CCDC83: variants seen among roughly 807,000 people sequenced by gnomAD.
The protein encoded by CCDC83 is coiled-coil domain-containing protein 83.
In CCDC83, 54 loss-of-function variants were observed where a neutral mutation model predicts 50.1. That is an observed-to-expected ratio of 1.08 (90% CI 0.87 to 1.35). The LOEUF (loss-of-function observed/expected upper bound fraction) is 1.35. CCDC83 is among the 40% of genes most tolerant of loss of function. CCDC83 has a pLI of 0.00. For missense variants in CCDC83, 518 were observed against 473.9 expected (o/e 1.09, Z -0.86); for synonymous variants, 161 against 153.3 (o/e 1.05, Z -0.37).
chr11:85,865,409 G>A (rs1213299729), intron 2 of CCDC83, among the ~76,000 whole-genome samples, 191 bp downstream of exon 2: 5 of 152,232 alleles, frequency 3.3e-5, no homozygotes, highest in South Asian at 2.1e-4. Flanking sequence ...ATATAACATA[G>A]TCCAAGTAGT....
chr11:85,891,374 G>A (rs906341424), intron 5 of CCDC83, among the ~76,000 whole-genome samples: 12 of 152,220 alleles, frequency 7.9e-5, no homozygotes, highest in Non-Finnish European at 1.3e-4. Flanking sequence ...CTGCTTCCCT[G>A]AACTTTAGCT....
At chr11:85,862,610 C>T (rs540498144) in intron 1 of CCDC83, among the ~76,000 whole-genome samples, 11 of 152,052 alleles carry the variant, frequency 7.2e-5, no homozygotes, top group South Asian at 2.1e-4. Flanking sequence ...ACAGATTCGA[C>T]GTCTATTTGT....
chr11:85,872,734 A>G (rs547605284), intron 2 of CCDC83, among the ~76,000 whole-genome samples: 1 of 152,334 alleles, frequency 6.6e-6, no homozygotes, highest in South Asian at 2.1e-4. Flanking sequence ...TGTGCCAGGA[A>G]AGAAGTTTTT....
intron 8 of CCDC83, chr11:85,912,790 C>G (rs779111889): frequency 1.8e-6 from 2 of 1,086,346 alleles, no homozygotes; most frequent in East Asian, 2.4e-5. Flanking sequence ...CCACTGCCCT[C>G]TTTTCTGAAC....
intron 5 of CCDC83, among the ~76,000 whole-genome samples, chr11:85,890,392 G>T (rs1351640923): frequency 6.6e-6 from 1 of 152,308 alleles, no homozygotes; most frequent in Middle Eastern, 3.4e-3. Context: ...GCTGACTAGG[G>T]TGTTGGGGGC....
chr11:85,892,577 A>C (rs190151518), intron 5 of CCDC83, among the ~76,000 whole-genome samples: 3 of 152,354 alleles, frequency 2.0e-5, no homozygotes, highest in Non-Finnish European at 2.9e-5. Context: ...TTGATAATCT[A>C]TTTTTAAATT....
chr11:85,859,147 T>A (rs2093160079), intron 1 of CCDC83, among the ~76,000 whole-genome samples: 2 of 112,870 alleles, frequency 1.8e-5, no homozygotes, highest in African/African-American at 3.5e-5. Flanking sequence ...TAAATAAAAA[T>A]CTTGGTGCCT....
intron 7 of CCDC83, among the ~76,000 whole-genome samples, chr11:85,902,584 A>G (rs574214627): frequency 6.6e-6 from 1 of 152,016 alleles, no homozygotes; most frequent in South Asian, 2.1e-4. Flanking sequence ...GACATCTCAA[A>G]CTCCTAAATT....
intron 2 of CCDC83, among the ~76,000 whole-genome samples, chr11:85,871,453 T>C (rs1230904782): frequency 6.6e-6 from 1 of 152,168 alleles, no homozygotes; most frequent in Non-Finnish European, 1.5e-5. Context: ...TTTTTTTTAA[T>C]GTTGCATTTT....
intron 4 of CCDC83, 64 bp from the exon 5 acceptor site, chr11:85,886,136 C>G: frequency 7.8e-7 from 1 of 1,282,122 alleles, no homozygotes; most frequent in South Asian, 2.2e-5. Context: ...TTCTTAAAAC[C>G]AGATTGCAAC....
rs758421516 is a variant in CCDC83, at chr11:85,915,505, C to T, written c.874+7C>T. ...TTGCCAGAAACACATATAGGTATTA[C>T]TTTATTGCAATAATGATGATGATTT... On this transcript the variant is annotated splice_region_variant and intron_variant, in intron 9 of 10. Transcript: ENST00000342404. 1 of 1,576,912 alleles carries T rather than the reference C, an allele frequency of 6.3e-7. No individual in the cohort carries two copies. The highest frequency in any genetic ancestry group is 8.7e-7 in the Non-Finnish European group (1 of 1,154,360).
rs533083567 is a variant in CCDC83 at position 85,879,819 on chromosome 11, A to G, written c.181-2694A>G. Among the ~76,000 whole-genome samples, 458 of 152,216 alleles carry G rather than the reference A, an allele frequency of 3.0e-3. 2 individuals are homozygous for G. The highest frequency in any genetic ancestry group is 0.011 in the African/African-American group (447 of 41,524). On this transcript the variant is annotated intron_variant, in intron 3 of 10. Coordinates refer to ENST00000342404, the MANE Select transcript of CCDC83 (RefSeq NM_001286159.2). ...TTTTTAATAGAGATGTGGTTTCACC[A>G]TATTGTCCAGGCTGGTCTTGAACTG...
chr11:85,875,236 T>C (rs2093262479), intron 3 of CCDC83, among the ~76,000 whole-genome samples: 1 of 152,172 alleles, frequency 6.6e-6, no homozygotes, highest in South Asian at 2.1e-4. Flanking sequence ...GGTAGGTATA[T>C]GTAAAATAGG....
At chr11:85,900,403 A>G (rs2093395587) in intron 7 of CCDC83, among the ~76,000 whole-genome samples, 1 of 152,126 alleles carries the variant, frequency 6.6e-6, no homozygotes, top group African/African-American at 2.4e-5. Context: ...AATCCTTCCT[A>G]TGTTGGCATT....
chr11:85,909,017 T>C (rs573440864), intron 7 of CCDC83, among the ~76,000 whole-genome samples: 15 of 152,308 alleles, frequency 9.8e-5, no homozygotes, highest in African/African-American at 1.7e-4. Flanking sequence ...CACTGTAACA[T>C]TGAACTTCTG....
chr11:85,881,758 A>AATTGTTTTTCTCCTATAGGTAAGGT (rs1565141198), intron 3 of CCDC83, among the ~76,000 whole-genome samples: 2 of 152,034 alleles, frequency 1.3e-5, no homozygotes, highest in Non-Finnish European at 2.9e-5. Flanking sequence ...CCTGTATGCT[A>AATTGTTTTTCTCCTATAGGTAAGGT]ATTGTTTTTC....
intron 1 of CCDC83, among the ~76,000 whole-genome samples, chr11:85,861,864 C>T (rs141659698): frequency 1.6e-4 from 25 of 151,738 alleles, no homozygotes; most frequent in African/African-American, 5.6e-4. Context: ...AAAAAATTAG[C>T]CAGGCATGGT....
intron 2 of CCDC83, among the ~76,000 whole-genome samples, chr11:85,868,526 C>A (rs1300294558): frequency 1.3e-5 from 2 of 152,196 alleles, no homozygotes; most frequent in African/African-American, 2.4e-5. Context: ...AGGCATGTGC[C>A]ACCACACCCA....
intron 6 of CCDC83, among the ~76,000 whole-genome samples, chr11:85,898,429 T>C (rs969309051): frequency 1.6e-4 from 25 of 152,222 alleles, no homozygotes; most frequent in Non-Finnish European, 3.4e-4. Flanking sequence ...TAAGACTTTT[T>C]TGTCTTCTTT....
Sources: gnomAD v4.1 joint callset for allele counts (sites outside exome capture counted in the v4.1 genomes callset) on GRCh38, gnomAD v4.1.1 for gene constraint, MANE v1.5 for transcripts, NCBI Gene and HGNC (gene_info 2026-07-23, HGNC 2026-07-21) for gene names.